GPC6: variants seen among roughly 807,000 people sequenced by gnomAD.
The protein encoded by GPC6 is glypican-6.
Under a neutral mutation model 55.2 loss-of-function variants are expected in GPC6, and 14 were observed. The ratio of observed to expected loss-of-function variants is 0.25; its 90% confidence interval spans 0.17 to 0.40. The LOEUF is 0.40. Among genes scored for constraint, GPC6 ranks in the 10% least tolerant of loss-of-function variants. The probability of loss-of-function intolerance (pLI) is 1.00; values close to 1 mark genes in which losing one functional copy is unlikely to be tolerated. For missense variants in GPC6, 641 were observed against 708.5 expected (o/e 0.90, Z 1.08); for synonymous variants, 278 against 259.6 (o/e 1.07, Z -0.68).
intron 2 of GPC6, among the ~76,000 whole-genome samples, chr13:93,653,811 TA>T (rs1880534191): frequency 1.3e-5 from 2 of 152,144 alleles, no homozygotes; most frequent in Non-Finnish European, 2.9e-5. Context: ...TGTCAAGTAA[TA>T]AAAATAGTTT....
At chr13:93,378,203 G>A (rs1470338856) in intron 1 of GPC6, among the ~76,000 whole-genome samples, 1 of 152,166 alleles carries the variant, frequency 6.6e-6, no homozygotes, top group Non-Finnish European at 1.5e-5. Context: ...AATCAGAAAT[G>A]ACCAAAGAAA....
intron 1 of GPC6, among the ~76,000 whole-genome samples, chr13:93,519,299 T>C (rs1881318309): frequency 6.6e-6 from 1 of 152,044 alleles, no homozygotes; most frequent in Non-Finnish European, 1.5e-5. Context: ...AAACAAATTA[T>C]AGAAGATGTT....
At chr13:93,471,358 CAAAAAAA>C (rs59410717) in intron 1 of GPC6, among the ~76,000 whole-genome samples, 1 of 123,156 alleles carries the variant, frequency 8.1e-6, no homozygotes, top group Non-Finnish European at 1.7e-5. Context: ...TCTAAAAATA[CAAAAAAA>C]AAAAAAAAAA....
intron 1 of GPC6, among the ~76,000 whole-genome samples, chr13:93,534,452 T>C (rs955217102): frequency 1.6e-4 from 24 of 152,182 alleles, no homozygotes; most frequent in African/African-American, 5.8e-4. Flanking sequence ...GTGTCACTTC[T>C]GAGGGCGGAG....
intron 1 of GPC6, among the ~76,000 whole-genome samples, chr13:93,467,705 C>T (rs1878963017): frequency 6.6e-6 from 1 of 151,178 alleles, no homozygotes; most frequent in East Asian, 1.9e-4. Context: ...CCACTTCAGC[C>T]TCCTAAGTTG....
intron 2 of GPC6, among the ~76,000 whole-genome samples, chr13:93,748,945 A>G (rs894123126): frequency 3.3e-5 from 5 of 152,056 alleles, no homozygotes; most frequent in Admixed American, 2.6e-4. Context: ...TCTTAAAAGT[A>G]CATAGAATAC....
chr13:94,213,386 C>T (rs1036484945), intron 4 of GPC6, among the ~76,000 whole-genome samples: 2 of 152,228 alleles, frequency 1.3e-5, no homozygotes, highest in Non-Finnish European at 2.9e-5. Context: ...AAACCAAGAA[C>T]TTTATGCACG....
intron 2 of GPC6, among the ~76,000 whole-genome samples, chr13:93,573,271 T>TA (rs943234045): frequency 6.6e-5 from 10 of 151,780 alleles, no homozygotes; most frequent in South Asian, 4.2e-4. Flanking sequence ...AATAAATATT[T>TA]AAAAAAAACA....
At chr13:93,252,435 A>G (rs993316994) in intron 1 of GPC6, among the ~76,000 whole-genome samples, 2 of 152,094 alleles carry the variant, frequency 1.3e-5, no homozygotes, top group Non-Finnish European at 1.5e-5. Flanking sequence ...ATTTGTGCAC[A>G]CTCGTGACAA....
intron 1 of GPC6, among the ~76,000 whole-genome samples, chr13:93,356,945 C>A (rs755898468): frequency 6.6e-6 from 1 of 152,142 alleles, no homozygotes; most frequent in Non-Finnish European, 1.5e-5. Context: ...GCTACATCAG[C>A]AAGCATTAGG....
At chr13:94,000,901 C>G (rs182372091) in intron 3 of GPC6, among the ~76,000 whole-genome samples, 15 of 152,250 alleles carry the variant, frequency 9.9e-5, no homozygotes, top group Admixed American at 2.6e-4. Flanking sequence ...AGGGGACTTA[C>G]TAAGGAGCAC....
intron 1 of GPC6, among the ~76,000 whole-genome samples, chr13:93,527,912 T>G (rs1881717140): frequency 6.6e-6 from 1 of 152,174 alleles, no homozygotes; most frequent in Non-Finnish European, 1.5e-5. Flanking sequence ...GTACCATAGA[T>G]CTTGTGACAT....
intron 1 of GPC6, among the ~76,000 whole-genome samples, chr13:93,254,176 G>A (rs1309730097): frequency 6.6e-6 from 1 of 151,968 alleles, no homozygotes; most frequent in African/African-American, 2.4e-5. Context: ...CAAAATCACA[G>A]TTAGTCAGGT....
Position 93,654,084 on chromosome 13 carries a change from G to A in GPC6, c.319+108663G>A, listed in dbSNP as rs886074066. 2.6e-5 allele frequency among the ~76,000 whole-genome samples: 4 copies of A among 152,096 alleles called. 1 individual carries two copies. The highest frequency in any genetic ancestry group is 2.0e-4 in the Admixed American group (3 of 15,280). ...ATTTTGTATGTTGAGAAGAAATAAC[G>A]GTTAGTTGGGACCATTCTTTTCTGT... On this transcript the variant is annotated intron_variant, in intron 2 of 8. Transcript: ENST00000377047.
intron 4 of GPC6, among the ~76,000 whole-genome samples, chr13:94,057,997 AG>A (rs1884187961): frequency 6.6e-6 from 1 of 152,208 alleles, no homozygotes. Context: ...AAACCCTGTA[AG>A]GGAAGTTTAA....
chr13:94,378,334 G>A (rs1255871986), intron 6 of GPC6, among the ~76,000 whole-genome samples: 1 of 152,064 alleles, frequency 6.6e-6, no homozygotes, highest in African/African-American at 2.4e-5. Flanking sequence ...TGGGATTCAG[G>A]TGAAATATTT....
At chr13:93,238,463 C>T (rs1236813491) in intron 1 of GPC6, among the ~76,000 whole-genome samples, 1 of 151,276 alleles carries the variant, frequency 6.6e-6, no homozygotes, top group Non-Finnish European at 1.5e-5. Context: ...TTTACAAAAT[C>T]CAGTAGTCTT....
intron 1 of GPC6, among the ~76,000 whole-genome samples, chr13:93,309,866 G>T (rs930239871): frequency 1.3e-5 from 2 of 152,126 alleles, no homozygotes; most frequent in African/African-American, 4.8e-5. Context: ...GGACAGTTCT[G>T]GTTGATACTT....
intron 1 of GPC6, among the ~76,000 whole-genome samples, chr13:93,500,814 A>G (rs1401793882): frequency 6.6e-6 from 1 of 152,128 alleles, no homozygotes; most frequent in Non-Finnish European, 1.5e-5. Context: ...TGTAACAGCA[A>G]TTCTAAGCTG....
Sources: allele counts gnomAD v4.1 joint callset (sites outside exome capture counted in the v4.1 genomes callset), GRCh38; gene constraint gnomAD v4.1.1; transcripts MANE v1.5; gene names NCBI Gene and HGNC (gene_info 2026-07-23, HGNC 2026-07-21).